SBDS: variants seen among roughly 807,000 people sequenced by gnomAD.
The protein encoded by SBDS is SBDS ribosome maturation factor, also known as ribosome maturation protein SBDS.
A neutral mutation model predicts 26.4 loss-of-function variants in SBDS; 20 were observed. That is an observed-to-expected ratio of 0.76 (90% CI 0.53 to 1.10). The LOEUF (loss-of-function observed/expected upper bound fraction) is 1.10. Among genes scored for constraint, SBDS ranks in the 50% least tolerant of loss-of-function variants. The pLI is 0.00. For missense variants in SBDS, 241 were observed against 302.0 expected, an observed-to-expected ratio of 0.80 and a Z score of 1.50; for synonymous variants, 95 against 105.1, an observed-to-expected ratio of 0.90 and a Z score of 0.59.
At chr7:66,991,012 A>C in intron 4 of SBDS, 125 bp downstream of exon 4, 2 of 894,004 alleles carry the variant, frequency 2.2e-6, no homozygotes, top group South Asian at 3.5e-5. Flanking sequence ...GCGAGACTCC[A>C]TCTCAAAAAA....
chr7:66,990,303 C>T (rs1388297010), intron 4 of SBDS, among the ~76,000 whole-genome samples: 1 of 152,218 alleles, frequency 6.6e-6, no homozygotes, highest in Non-Finnish European at 1.5e-5. Context: ...CAGGCATGAG[C>T]CACCGCGCCC....
chr7:66,994,693 G>C (rs1404699802), intron 1 of SBDS, among the ~76,000 whole-genome samples: 2 of 152,202 alleles, frequency 1.3e-5, no homozygotes, highest in Admixed American at 1.3e-4. Flanking sequence ...GGGGTTTCAT[G>C]TTGGCCAGGC....
At position 66,995,546 on chromosome 7, in the gene SBDS, G is replaced by A. The variant is rs955922561; in HGVS notation, c.-129C>T. ...ACTGACCCAACCACCAGTGCGCGGC[G>A]CCGCGACTCACTAGCTTCAGGCAGC... On this transcript the variant is annotated 5_prime_UTR_variant, in exon 1 of 5. Transcript: ENST00000246868. 5.1e-6 allele frequency: 7 copies of A among 1,365,524 alleles called. No homozygotes were observed. Among genetic ancestry groups the A allele is most frequent in the Middle Eastern group, 2.5e-4 (1 of 3,924 alleles). 84.6% of individuals were successfully genotyped at this position (1,365,524 alleles called of 1,614,324 possible).
rs2129232269 is a variant in SBDS, at chr7:66,993,350, C to G, written c.326G>C (p.Arg109Thr). ...ERHTQLEQMF[R>T]DIATIVADKC... ...GTCTGCCACAATAGTTGCAATGTCC[C>G]TAAACATCTGCTCCAGTTGTGTGTG... is the stretch of plus-strand genomic sequence containing the variant. Residue 109 changes from arginine to threonine, a missense_variant, in exon 3 of 5, where the codon AGG becomes ACG. Coordinates refer to ENST00000246868, the MANE Select transcript of SBDS (RefSeq NM_016038.4). 3 of 1,614,052 alleles carry G rather than the reference C, an allele frequency of 1.9e-6. No individual in the cohort carries two copies. The highest frequency in any genetic ancestry group is 1.1e-5 in the South Asian group (1 of 91,072).
intron 4 of SBDS, among the ~76,000 whole-genome samples, chr7:66,990,885 C>T (rs561455592): frequency 1.3e-5 from 2 of 152,002 alleles, no homozygotes; most frequent in Non-Finnish European, 2.9e-5. Flanking sequence ...GGCTTGGTGG[C>T]GGGTGCCTGT....
At position 66,993,363 on chromosome 7, in the gene SBDS, C is replaced by T. The variant is rs773059473; in HGVS notation, c.313G>A (p.Glu105Lys). 1 of 1,614,034 alleles carries T rather than the reference C, an allele frequency of 6.2e-7. No homozygotes were observed. Among genetic ancestry groups the T allele is most frequent in the Non-Finnish European group, 8.5e-7 (1 of 1,179,952 alleles). Reference sequence around the variant, plus strand: ...GTTGCAATGTCCCTAAACATCTGCTCCAGTTGTGTGTGTCTTTCTTTATCT... The same window carrying T: ...GTTGCAATGTCCCTAAACATCTGCTTCAGTTGTGTGTGTCTTTCTTTATCT... ...VSDKERHTQL[E>K]QMFRDIATIV... Residue 105 changes from glutamate (E) to lysine (K), a missense_variant, in exon 3 of 5, where the codon GAG (glutamate) becomes AAG (lysine). Coordinates refer to ENST00000246868, the MANE Select transcript of SBDS (RefSeq NM_016038.4).
At chr7:66,994,073 T>C in intron 2 of SBDS, 139 bp downstream of exon 2, 2 of 810,512 alleles carry the variant, frequency 2.5e-6, no homozygotes, top group Non-Finnish European at 3.9e-6. Context: ...AAGTTCTTTA[T>C]TATTAGAAGT....
intron 3 of SBDS, among the ~76,000 whole-genome samples, chr7:66,992,987 A>G (rs1042210533): frequency 7.9e-5 from 12 of 151,430 alleles, no homozygotes; most frequent in South Asian, 4.2e-4. Context: ...AGCCTGGGCA[A>G]TAGAGTAAGA....
chr7:66,994,402 C>T (rs1244717299), intron 1 of SBDS, 61 bp from the exon 2 acceptor site: 51 of 1,426,462 alleles, frequency 3.6e-5, no homozygotes, highest in Non-Finnish European at 5.0e-5. Flanking sequence ...CATGCATTTA[C>T]ATTTAAATAC....
chr7:66,990,832 C>T (rs749580109), intron 4 of SBDS, among the ~76,000 whole-genome samples: 39 of 151,872 alleles, frequency 2.6e-4, no homozygotes, highest in Middle Eastern at 3.2e-3. Context: ...CTGGCTAACA[C>T]GGTGAAACTC....
intron 3 of SBDS, among the ~76,000 whole-genome samples, chr7:66,992,582 C>T (rs1278003590): frequency 1.3e-5 from 2 of 151,830 alleles, no homozygotes; most frequent in African/African-American, 4.8e-5. Context: ...GTCCTATATA[C>T]ATATTTGTGT....
At chr7:66,993,137 C>G (rs1303543416) in intron 3 of SBDS, 80 bp downstream of exon 3, 1 of 1,312,328 alleles carries the variant, frequency 7.6e-7, no homozygotes, top group Non-Finnish European at 1.1e-6. Flanking sequence ...GTGCCTGGCC[C>G]CAGACCCATT....
In SBDS at chr7:66,993,247, C is replaced by T. The variant is rs146780418; in HGVS notation, c.429G>A (p.Ser143=). The T allele has an allele frequency of 8.4e-5, 135 of 1,613,938 alleles. No homozygotes were observed. The highest frequency in any genetic ancestry group is 4.0e-4 in the African/African-American group (30 of 74,866). ...IERAMKDIHY[S]VKTNKSTKQQ... is the part of the protein sequence containing the mutation. The stretch of plus-strand genomic sequence containing the variant: ...GTTTTGTACTCTTGTTGGTTTTCAC[C>T]GAATAGTGGATGTCCTTCATGGCTC... Residue 143 remains serine, a synonymous_variant, in exon 3 of 5, where the codon TCG becomes TCA. Transcript: ENST00000246868.
At position 66,988,333 on chromosome 7, in the gene SBDS, A is replaced by ACGGAAT. The variant is rs1562953693; in HGVS notation, c.*37_*38insATTCCG. 1 of 1,609,090 alleles carries ACGGAAT rather than the reference A, an allele frequency of 6.2e-7. No homozygotes were observed. Among genetic ancestry groups the ACGGAAT allele is most frequent in the Non-Finnish European group, 8.5e-7 (1 of 1,178,486 alleles). ...TGAAACAGTGCCGTCGGAAACGGAA[A>ACGGAAT]CACTTTAGTGTTTTAGAGGTGAAGA... On this transcript the variant is annotated 3_prime_UTR_variant, in exon 5 of 5. Coordinates refer to ENST00000246868, the MANE Select transcript of SBDS (RefSeq NM_016038.4).
At chr7:66,994,157 T>C in intron 2 of SBDS, 55 bp downstream of exon 2, 1 of 1,586,836 alleles carries the variant, frequency 6.3e-7, no homozygotes, top group African/African-American at 1.3e-5. Context: ...TTAATATATC[T>C]ACAAATACGT....
chr7:66,991,454 A>G (rs942826764), intron 3 of SBDS, among the ~76,000 whole-genome samples, 153 bp from the exon 4 acceptor site: 4 of 152,126 alleles, frequency 2.6e-5, no homozygotes, highest in Non-Finnish European at 5.9e-5. Context: ...AAATAGAAAA[A>G]TTGGACTTAT....
chr7:66,994,776 T>C (rs553384291), intron 1 of SBDS, among the ~76,000 whole-genome samples: 4 of 152,254 alleles, frequency 2.6e-5, no homozygotes, highest in South Asian at 2.1e-4. Flanking sequence ...CTCAGAACCG[T>C]ATTTGCCTTA....
In SBDS at chr7:66,987,750, T is replaced by C. The variant is rs1792898182; in HGVS notation, c.*621A>G. The C allele has an allele frequency of 5.8e-6, 1 of 173,102 alleles. No homozygotes were observed. Among genetic ancestry groups the C allele is most frequent in the Admixed American group, 6.3e-5 (1 of 15,758 alleles). 10.7% of individuals were successfully genotyped at this position (173,102 alleles called of 1,614,324 possible). ...TTGATTACATACAATTTTAGCTATA[T>C]TAATATATATTATAAACTTTAAGAA... is the stretch of plus-strand genomic sequence containing the variant. On this transcript the variant is annotated 3_prime_UTR_variant, in exon 5 of 5. Coordinates refer to ENST00000246868, the MANE Select transcript of SBDS (RefSeq NM_016038.4).
intron 3 of SBDS, among the ~76,000 whole-genome samples, chr7:66,991,712 T>C (rs547860986): frequency 6.5e-5 from 9 of 138,396 alleles, no homozygotes; most frequent in Admixed American, 3.2e-4. Flanking sequence ...GGCAGGAGAA[T>C]TGCTTGAATC....
Sources: gnomAD v4.1 joint callset for allele counts (sites outside exome capture counted in the v4.1 genomes callset) on GRCh38, gnomAD v4.1.1 for gene constraint, MANE v1.5 for transcripts, NCBI Gene and HGNC (gene_info 2026-07-23, HGNC 2026-07-21) for gene names.